USP35: variants seen among roughly 807,000 people sequenced by gnomAD.
The protein encoded by USP35 is ubiquitin carboxyl-terminal hydrolase 35.
In USP35, 69 loss-of-function variants were observed where a neutral mutation model predicts 83.8. That is an observed-to-expected ratio of 0.82 (90% CI 0.68 to 1.01). The LOEUF is 1.01. Ranked by LOEUF, USP35 falls within the 50% of genes least tolerant of loss-of-function variation. The pLI is 0.00. For missense variants in USP35, 1,503 were observed against 1,362.5 expected (o/e 1.10, Z -1.62); for synonymous variants, 714 against 589.5 (o/e 1.21, Z -3.06).
the USP35 span, among the ~76,000 whole-genome samples, chr11:78,232,465 G>A: frequency 7.9e-5 from 12 of 152,332 alleles, no homozygotes; most frequent in African/African-American, 2.9e-4. Context: ...AAACCAACTT[G>A]TCTTCAAAGA....
chr11:78,209,959 G>A lies in USP35; in HGVS notation c.2104G>A (p.Gly702Arg), dbSNP rs1294143109. 6.2e-7 allele frequency: 1 copy of A among 1,611,084 alleles called. No homozygotes were observed. The highest frequency in any genetic ancestry group is 1.3e-5 in the African/African-American group (1 of 74,842). Residue 702 changes from glycine (G) to arginine (R), a missense_variant, in exon 10 of 11, where the codon GGG (glycine) becomes AGG (arginine). Gly to Arg is a moderately radical substitution (Grantham distance 125). Transcript: ENST00000529308. ...GGGGGAGGAGGAGGAAAGCACCAGA[G>A]GGGAAGGAGAGAGGGAGAAAGAGGA... Reference protein sequence around the residue: ...EVGEEEESTRGEGEREKEEEV... With the variant: ...EVGEEEESTRREGEREKEEEV...
In USP35 at chr11:78,213,695, C is replaced by CCACATCTCCGCA. The variant is rs750702011; in HGVS notation, c.2941_2952dup (p.Thr981_His984dup). 3 of 1,528,000 alleles carry CCACATCTCCGCA rather than the reference C, an allele frequency of 2.0e-6. No homozygotes were observed. The allele number at this position is 1,528,000 out of a possible 1,614,324, so 94.7% of individuals were successfully genotyped here. On this transcript the variant is annotated inframe_insertion, in exon 11 of 11. Transcript: ENST00000529308. ...AGGGCGGCCTACATCTCTGCACTCC[C>CCACATCTCCGCA]CACATCTCCGCACTGGGGGAGGGGC...
chr11:78,226,775 G>C, the USP35 span: 1 of 1,614,136 alleles, frequency 6.2e-7, no homozygotes, highest in Non-Finnish European at 8.5e-7. Context: ...ACAGGGTGTT[G>C]CTGGGCGTCT....
chr11:78,229,664 G>A, the USP35 span, among the ~76,000 whole-genome samples: 4 of 152,044 alleles, frequency 2.6e-5, no homozygotes, highest in East Asian at 1.9e-4. Flanking sequence ...TTTCAACACC[G>A]CCTCAATGCT....
the USP35 span, among the ~76,000 whole-genome samples, chr11:78,232,389 AAGAC>A: frequency 6.6e-6 from 1 of 152,216 alleles, no homozygotes; most frequent in Non-Finnish European, 1.5e-5. Context: ...TTGAAATAAG[AAGAC>A]AGACACTGGC....
intron 9 of USP35, 60 bp downstream of exon 9, chr11:78,209,023 A>C (rs2134411483): frequency 6.5e-7 from 1 of 1,533,620 alleles, no homozygotes; most frequent in Non-Finnish European, 9.0e-7. Flanking sequence ...GGGCAAGCCC[A>C]GTACCTCTGA....
At chr11:78,216,197 C>CT (rs1283600845), downstream of USP35, 6 of 152,468 alleles carry the variant, frequency 3.9e-5, no homozygotes, top group Non-Finnish European at 8.8e-5. Context: ...CACCATCTCC[C>CT]TATTTCTCAT....
chr11:78,226,696 T>A, the USP35 span: 36 of 1,613,958 alleles, frequency 2.2e-5, 1 homozygote, highest in East Asian at 2.2e-4. Context: ...GTCCTAGGGA[T>A]CTGGTAGGCT....
the USP35 span, chr11:78,227,112 A>C: frequency 8.9e-7 from 1 of 1,118,178 alleles, no homozygotes; most frequent in Non-Finnish European, 1.3e-6. Context: ...TGTGACCTTG[A>C]GGCAAAGCAC....
the USP35 span, chr11:78,227,171 A>G: frequency 1.5e-6 from 1 of 671,446 alleles, no homozygotes; most frequent in Non-Finnish European, 2.6e-6. Context: ...GGTGACTAAA[A>G]GCATATTTTG....
At chr11:78,203,354 G>A (rs1263906403) in intron 6 of USP35, among the ~76,000 whole-genome samples, 2 of 152,056 alleles carry the variant, frequency 1.3e-5, no homozygotes, top group Non-Finnish European at 1.5e-5. Flanking sequence ...TGTGTGAGGG[G>A]GAAGGGAGAT....
chr11:78,201,520 AGAAACCAGAG>A (rs987299003), intron 6 of USP35, among the ~76,000 whole-genome samples: 4 of 152,188 alleles, frequency 2.6e-5, no homozygotes, highest in Admixed American at 6.5e-5. Context: ...GAGAGCAGTG[AGAAACCAGAG>A]GAAGGAAAGA....
Position 78,210,250 on chromosome 11 carries a change from C to G in USP35, c.2395C>G (p.Gln799Glu), listed in dbSNP as rs1168257276. Residue 799 changes from glutamine to glutamate, a missense_variant, in exon 10 of 11, where the codon CAA becomes GAA. Physicochemically the swap from Gln to Glu is conservative, Grantham distance 29 (BLOSUM62 2). Transcript: ENST00000529308. ...QDAEKVVELS[Q>E]GPCYLILTLL... is the part of the protein sequence containing the mutation. The stretch of plus-strand genomic sequence containing the variant: ...TGCCGAGAAGGTGGTGGAGCTGAGC[C>G]AAGGGCCGTGCTACCTCATCCTCAC... 1 of 1,614,034 alleles carries G rather than the reference C, an allele frequency of 6.2e-7. No individual in the cohort carries two copies. Among genetic ancestry groups the G allele is most frequent in the Non-Finnish European group, 8.5e-7 (1 of 1,180,032 alleles).
chr11:78,235,474 C>A, the USP35 span, among the ~76,000 whole-genome samples: 3 of 152,108 alleles, frequency 2.0e-5, no homozygotes, highest in Non-Finnish European at 4.4e-5. Context: ...TCTATCACAT[C>A]GTCAGGTGGC....
chr11:78,199,258 G>A (rs1279161084), intron 3 of USP35: 1 of 297,708 alleles, frequency 3.4e-6, no homozygotes, highest in African/African-American at 2.1e-5. Context: ...ACTTGCTGGA[G>A]CCAAAGCTTC....
At chr11:78,226,481 G>T in the USP35 span, 1 of 1,613,424 alleles carries the variant, frequency 6.2e-7, no homozygotes, top group Non-Finnish European at 8.5e-7. Context: ...GAAGTCGGCT[G>T]TTGTCCATTG....
At chr11:78,218,036 C>T (rs115499698), downstream of USP35, 3,173 of 153,312 alleles carry the variant, frequency 0.021, 106 homozygotes, top group African/African-American at 0.072. Flanking sequence ...CTGCTCCACC[C>T]TGCACCCCCA....
At position 78,210,163 on chromosome 11, in the gene USP35, T is replaced by TC. The variant is rs779392294; in HGVS notation, c.2313dup (p.Glu772ArgfsTer55). On this transcript the variant is annotated frameshift_variant, in exon 10 of 11. Coordinates refer to ENST00000529308, the MANE Select transcript of USP35 (RefSeq NM_020798.4). LOFTEE classifies it high-confidence loss of function. ...CCTGGACCTGGTTAACTACTTCCTG[T>TC]CCCCCGAGAAGCTGACAGCAGAAAA... 3.7e-6 allele frequency: 6 copies of TC among 1,613,476 alleles called. No homozygotes were observed. The Admixed American group carries it at 1.0e-4, about 27-fold the overall frequency.
At position 78,196,599 on chromosome 11, in the gene USP35, C is replaced by G; in HGVS notation, c.354C>G (p.Asp118Glu). 6.3e-6 allele frequency: 8 copies of G among 1,269,044 alleles called. No individual in the cohort carries two copies. Among genetic ancestry groups the G allele is most frequent in the Non-Finnish European group, 7.9e-6 (8 of 1,007,864 alleles). 78.6% of individuals were successfully genotyped at this position (1,269,044 alleles called of 1,614,324 possible). A position where few individuals can be genotyped will look rare whatever the true frequency, so the allele number is the denominator to read the frequency against. Residue 118 changes from aspartate (D) to glutamate (E), a missense_variant, in exon 2 of 11, where the codon GAC (aspartate) becomes GAG (glutamate). Asp to Glu is a conservative substitution (Grantham distance 45). Transcript: ENST00000529308. The surrounding 1 kb of genome is among the most constrained non-coding windows in gnomAD (Gnocchi z 4.8). The stretch of plus-strand genomic sequence containing the variant: ...TGCTGCCCGAGGGGCCTGCGGCCGA[C>G]GAGGTGTTCGCGCTGCTGCGGCGCG... Reference protein sequence around the residue: ...LQLLPEGPAADEVFALLRREV... With the variant: ...LQLLPEGPAAEEVFALLRREV...
Sources: gnomAD v4.1 joint callset for allele counts (sites outside exome capture counted in the v4.1 genomes callset) on GRCh38, gnomAD v4.1.1 for gene constraint, Gnocchi (gnomAD v3.1) non-coding constraint, MANE v1.5 for transcripts, NCBI Gene and HGNC (gene_info 2026-07-23, HGNC 2026-07-21) for gene names.